Variants in SREBF1 observed in about 807,000 individuals in gnomAD.
SREBF1 encodes sterol regulatory element binding transcription factor 1.
A neutral mutation model predicts 100.1 loss-of-function variants in SREBF1; 45 were observed. The ratio of observed to expected loss-of-function variants is 0.45; its 90% CI spans 0.35 to 0.58. The LOEUF (loss-of-function observed/expected upper bound fraction) is 0.58. Among genes scored for constraint, SREBF1 ranks in the 20% least tolerant of loss-of-function variants. SREBF1 has a pLI of 0.00. For synonymous variants in SREBF1, 657 were observed against 681.8 expected (o/e 0.96, Z 0.57); for missense variants, 1,324 against 1,539.4 (o/e 0.86, Z 2.34).
In SREBF1 at chr17:17,817,105, G is replaced by C. The variant is rs45535737; in HGVS notation, c.1638C>G (p.Pro546=). 22,406 of 1,612,984 alleles carry C rather than the reference G, an allele frequency of 0.014. 183 individuals are homozygous for C. The highest frequency in any genetic ancestry group is 0.032 in the Middle Eastern group (195 of 6,062). Residue 546 remains proline, a synonymous_variant, in exon 9 of 19, where the codon CCC becomes CCG. Transcript: ENST00000261646. This position sits in a 1 kb window ranked among gnomAD's most constrained non-coding sequence, Gnocchi z 6.6. ...GCCCATTGAGCAGCCAGACCACTGG[G>C]GGCAGCAGCCACTGGGCCCAGCCAG... ...DGPGWAQWLL[P]PVVWLLNGLL...
Position 17,815,347 on chromosome 17 carries a change from T to C in SREBF1, c.2384-18A>G, listed in dbSNP as rs760448922. On this transcript the variant is annotated intron_variant, in intron 12 of 18. Coordinates refer to ENST00000261646, the MANE Select transcript of SREBF1 (RefSeq NM_004176.5). ...GGGGTCCACTGTGGAGAGGAGGAGG[T>C]GAGTGGGGTGGGGAGCAGGGCCCCA... 9 of 1,603,942 alleles carry C rather than the reference T, an allele frequency of 5.6e-6. No individual in the cohort carries two copies. In the South Asian group the frequency reaches 8.8e-5, roughly 16 times the overall value.
chr17:17,818,481 CTG>C (rs2033828895), intron 5 of SREBF1, 107 bp from the exon 6 acceptor site: 1 of 772,454 alleles, frequency 1.3e-6, no homozygotes, highest in African/African-American at 1.7e-5. Flanking sequence ...TGCAACATTA[CTG>C]CCTCAGGACC....
At chr17:17,818,818 C>A in intron 5 of SREBF1, 195 bp downstream of exon 5, 1 of 677,960 alleles carries the variant, frequency 1.5e-6, no homozygotes, top group South Asian at 1.7e-5. Flanking sequence ...CAATGCCTAG[C>A]ACAGCCCCAC....
intron 1 of SREBF1, chr17:17,823,486 TA>T: frequency 6.6e-7 from 1 of 1,515,870 alleles, no homozygotes; most frequent in Non-Finnish European, 9.2e-7. Context: ...AGGCATTGTA[TA>T]AAGGGCTGGT....
Position 17,833,494 on chromosome 17 carries a change from C to G in SREBF1, c.91+3233G>C, listed in dbSNP as rs140650790. Among the ~76,000 whole-genome samples, 500 of 140,942 alleles carry G rather than the reference C, an allele frequency of 3.5e-3. 10 individuals are homozygous for G. The East Asian group carries it at 0.071, about 20-fold the overall frequency. 92.5% of individuals were successfully genotyped at this position (140,942 alleles called of 152,430 possible). A position where few individuals can be genotyped will look rare whatever the true frequency, so the allele number is the denominator to read the frequency against. On this transcript the variant is annotated intron_variant, in intron 1 of 18. Transcript: ENST00000261646. ...ATATATACACACACACATACAGATC[C>G]ACAGCTGCCCGGGGCTGGGAGCAGG...
intron 1 of SREBF1, among the ~76,000 whole-genome samples, chr17:17,833,420 CAAAAAAAAAAAAAA>C (rs56369932): frequency 1.4e-4 from 7 of 51,090 alleles, no homozygotes; most frequent in African/African-American, 3.3e-4. Flanking sequence ...GACTCCGTCT[CAAAAAAAAAAAAAA>C]AAAAAAAAAA....
intron 1 of SREBF1, among the ~76,000 whole-genome samples, chr17:17,825,047 G>A (rs111485267): frequency 0.021 from 3,121 of 152,230 alleles, 103 homozygotes; most frequent in African/African-American, 0.071. Flanking sequence ...ACAGGGAAGC[G>A]TCCTTGACCC....
At chr17:17,825,935 G>C (rs535729328) in intron 1 of SREBF1, among the ~76,000 whole-genome samples, 1 of 152,268 alleles carries the variant, frequency 6.6e-6, no homozygotes, top group Admixed American at 6.5e-5. Flanking sequence ...CTGGTCACCA[G>C]GTTAAGACTG....
chr17:17,812,843 C>A lies in SREBF1; in HGVS notation c.3223G>T (p.Ala1075Ser). 1.4e-6 allele frequency: 2 copies of A among 1,471,638 alleles called. No individual in the cohort carries two copies. The highest frequency in any genetic ancestry group is 1.4e-5 in the African/African-American group (1 of 69,466). The allele number at this position is 1,471,638 out of a possible 1,614,324, so 91.2% of individuals were successfully genotyped here. Residue 1075 changes from alanine to serine, a missense_variant, in exon 19 of 19, where the codon GCG becomes TCG. Coordinates refer to ENST00000261646, the MANE Select transcript of SREBF1 (RefSeq NM_004176.5). The stretch of plus-strand genomic sequence containing the variant: ...CGCGTGGGCCGCGGCTCCAGCTCCG[C>A]CACCGCGCCTGCGCACACGAGGATG... ...AGPGGKGGAV[A>S]ELEPRPTRRE...
intron 1 of SREBF1, among the ~76,000 whole-genome samples, chr17:17,829,239 T>TACAC (rs144842792): frequency 4.9e-5 from 6 of 123,134 alleles, no homozygotes; most frequent in African/African-American, 1.6e-4. Context: ...TATATATGTA[T>TACAC]ACACACACAC....
At position 17,811,862 on chromosome 17, in the gene SREBF1, T is replaced by C; in HGVS notation, c.*760A>G. 2.3e-6 allele frequency: 1 copy of C among 438,608 alleles called. No individual in the cohort carries two copies. Among genetic ancestry groups the C allele is most frequent in the South Asian group, 1.6e-5 (1 of 62,844 alleles). The allele number at this position is 438,608 out of a possible 1,614,324, so 27.2% of individuals were successfully genotyped here. A position where few individuals can be genotyped will look rare whatever the true frequency, so the allele number is the denominator to read the frequency against. ...CCTAAGGGTTGACACAGCCCAACCATGTGCCCTGGGAGCAGGGGGAACAGG... is the reference window on the plus strand; with the variant it reads ...CCTAAGGGTTGACACAGCCCAACCACGTGCCCTGGGAGCAGGGGGAACAGG... On this transcript the variant is annotated 3_prime_UTR_variant, in exon 19 of 19. Coordinates refer to ENST00000261646, the MANE Select transcript of SREBF1 (RefSeq NM_004176.5).
chr17:17,818,565 T>G, intron 5 of SREBF1, 191 bp from the exon 6 acceptor site: 1 of 622,226 alleles, frequency 1.6e-6, no homozygotes. Flanking sequence ...GGCATAGGGT[T>G]AGAATGTAAG....
chr17:17,814,282 C>A lies in SREBF1; in HGVS notation c.2864G>T (p.Ser955Ile). ...GCTGCTGGCTGGTGTGGTAGCCAGGCTGTCCTGCAGGTACCCACTGGCCTT... is the reference window on the plus strand; with the variant it reads ...GCTGCTGGCTGGTGTGGTAGCCAGGATGTCCTGCAGGTACCCACTGGCCTT... ...CEKASGYLQD[S>I]LATTPASSSI... Residue 955 changes from serine to isoleucine, a missense_variant, in exon 16 of 19, where the codon AGC (serine) becomes ATC (isoleucine). Physicochemically the swap from Ser to Ile is moderately radical, Grantham distance 142 (BLOSUM62 -2). Coordinates refer to ENST00000261646, the MANE Select transcript of SREBF1 (RefSeq NM_004176.5). 6.2e-7 allele frequency: 1 copy of A among 1,605,040 alleles called. No individual in the cohort carries two copies. The highest frequency in any genetic ancestry group is 1.3e-5 in the African/African-American group (1 of 74,992).
In SREBF1 at chr17:17,812,452, A is replaced by G. The variant is rs1235235403; in HGVS notation, c.*170T>C. The G allele has an allele frequency of 2.8e-6, 2 of 708,210 alleles. No individual in the cohort carries two copies. The highest frequency in any genetic ancestry group is 2.6e-5 in the Admixed American group (1 of 38,616). The allele number at this position is 708,210 out of a possible 1,614,324, so 43.9% of individuals were successfully genotyped here. On this transcript the variant is annotated 3_prime_UTR_variant, in exon 19 of 19. Coordinates refer to ENST00000261646, the MANE Select transcript of SREBF1 (RefSeq NM_004176.5). Reference sequence around the variant, plus strand: ...CATGGCCGCCGGTCTTAGGGTCAAGATCGCGCCCCTCGGGCCTTCCACCGC... The same window carrying G: ...CATGGCCGCCGGTCTTAGGGTCAAGGTCGCGCCCCTCGGGCCTTCCACCGC...
At chr17:17,831,688 G>A (rs1274072102) in intron 1 of SREBF1, among the ~76,000 whole-genome samples, 1 of 152,158 alleles carries the variant, frequency 6.6e-6, no homozygotes, top group Non-Finnish European at 1.5e-5. Context: ...CAGGTACAGG[G>A]CCATCTCCTG....
rs2032938745 is a variant in SREBF1, at chr17:17,812,166, C to T, written c.*456G>A. The T allele has an allele frequency of 2.3e-6, 1 of 429,500 alleles. No individual in the cohort carries two copies. The highest frequency in any genetic ancestry group is 4.4e-6 in the Non-Finnish European group (1 of 226,600). 26.6% of individuals were successfully genotyped at this position (429,500 alleles called of 1,614,324 possible). A position where few individuals can be genotyped will look rare whatever the true frequency, so the allele number is the denominator to read the frequency against. ...AAAAGGCAAAGTAGCACAGGAGCCT[C>T]AGGTCAGGAGGCTAAGCACGCTGAC... is the stretch of plus-strand genomic sequence containing the variant. On this transcript the variant is annotated 3_prime_UTR_variant, in exon 19 of 19. Transcript: ENST00000261646.
chr17:17,815,402 T>C, intron 12 of SREBF1, 73 bp from the exon 13 acceptor site: 2 of 1,295,580 alleles, frequency 1.5e-6, no homozygotes, highest in Non-Finnish European at 2.2e-6. Flanking sequence ...GGCTTTTTCC[T>C]GGGTGGGCTG....
Position 17,816,587 on chromosome 17 carries a change from G to C in SREBF1, c.1917C>G (p.Leu639=), listed in dbSNP as rs2033616054. The part of the protein sequence containing the change: ...WNLIRHLLQR[L]WVGRWLAGRA... The stretch of plus-strand genomic sequence containing the variant: ...GGCCTGCCAGCCAGCGGCCCACCCA[G>C]AGACGCTGCAGCAGGTGACGGATGA... The change falls in exon 10 of 19, where the codon CTC becomes CTG. Residue 639 remains leucine, a synonymous_variant. Coordinates refer to ENST00000261646, the MANE Select transcript of SREBF1 (RefSeq NM_004176.5). The C allele has an allele frequency of 6.2e-7, 1 of 1,606,476 alleles. No homozygotes were observed. The highest frequency in any genetic ancestry group is 8.5e-7 in the Non-Finnish European group (1 of 1,177,424).
Position 17,814,821 on chromosome 17 carries a change from G to A in SREBF1, c.2602+14C>T. The A allele has an allele frequency of 6.2e-7, 1 of 1,602,832 alleles. No individual in the cohort carries two copies. Among genetic ancestry groups the A allele is most frequent in the Non-Finnish European group, 8.5e-7 (1 of 1,175,164 alleles). On this transcript the variant is annotated intron_variant, in intron 14 of 18. Coordinates refer to ENST00000261646, the MANE Select transcript of SREBF1 (RefSeq NM_004176.5). ...GAGCTGAGAAGGGAGCCAGGACAGG[G>A]GCCGGGGACTCACCGGTGGTGGTGG...
Sources: gnomAD v4.1 joint callset for allele counts (sites outside exome capture counted in the v4.1 genomes callset) on GRCh38, gnomAD v4.1.1 for gene constraint, Gnocchi (gnomAD v3.1) non-coding constraint, MANE v1.5 for transcripts, NCBI Gene and HGNC (gene_info 2026-07-23, HGNC 2026-07-21) for gene names.